SLC9A9: variants seen among roughly 807,000 people sequenced by gnomAD.
SLC9A9 encodes sodium/hydrogen exchanger 9.
In SLC9A9, 62 loss-of-function variants were observed where a neutral mutation model predicts 77.8. That is an observed-to-expected ratio of 0.80 (90% CI 0.65 to 0.98). The LOEUF (loss-of-function observed/expected upper bound fraction) is 0.98, where lower values mean the gene tolerates loss of function less well. Among genes scored for constraint, SLC9A9 ranks in the 50% least tolerant of loss-of-function variants. The pLI is 0.00. For synonymous variants in SLC9A9, 320 were observed against 283.5 expected (o/e 1.13, Z -1.29); for missense variants, 775 against 774.9 (o/e 1.00, Z 0.00).
chr3:143,743,496 G>T (rs1165951468), intron 4 of SLC9A9, among the ~76,000 whole-genome samples: 1 of 152,182 alleles, frequency 6.6e-6, no homozygotes, highest in Non-Finnish European at 1.5e-5. Context: ...GGGCCTAACA[G>T]CCTGGAGTTT....
At chr3:143,726,059 A>G (rs1274739224) in intron 4 of SLC9A9, among the ~76,000 whole-genome samples, 1 of 152,092 alleles carries the variant, frequency 6.6e-6, no homozygotes, top group South Asian at 2.1e-4. Flanking sequence ...TAATTTTTAC[A>G]GTTGTCCTCT....
intron 12 of SLC9A9, among the ~76,000 whole-genome samples, chr3:143,421,112 A>G (rs1317072609): frequency 1.3e-5 from 2 of 152,184 alleles, no homozygotes; most frequent in African/African-American, 4.8e-5. Context: ...CAAGAACTAC[A>G]AAACACTACT....
intron 12 of SLC9A9, among the ~76,000 whole-genome samples, chr3:143,405,439 C>G (rs1173078595): frequency 1.3e-5 from 2 of 152,128 alleles, no homozygotes; most frequent in Non-Finnish European, 2.9e-5. Context: ...TGTGGATACT[C>G]TACCCTCTGA....
At chr3:143,395,784 C>T (rs1345153609) in intron 12 of SLC9A9, among the ~76,000 whole-genome samples, 5 of 152,146 alleles carry the variant, frequency 3.3e-5, no homozygotes, top group Non-Finnish European at 7.4e-5. Flanking sequence ...AAAAAGTGGG[C>T]AAAGGATATG....
At chr3:143,295,187 G>A (rs1219910107) in intron 14 of SLC9A9, among the ~76,000 whole-genome samples, 1 of 152,202 alleles carries the variant, frequency 6.6e-6, no homozygotes, top group Non-Finnish European at 1.5e-5. Context: ...AACTGAGACT[G>A]CACTCTTAAA....
intron 2 of SLC9A9, among the ~76,000 whole-genome samples, chr3:143,806,549 TA>T (rs1200910091): frequency 6.6e-6 from 1 of 152,160 alleles, no homozygotes; most frequent in African/African-American, 2.4e-5. Flanking sequence ...TCAAATGTAT[TA>T]AAATGGAATG....
chr3:143,802,304 T>C (rs1576737454), intron 2 of SLC9A9, among the ~76,000 whole-genome samples: 2 of 152,332 alleles, frequency 1.3e-5, no homozygotes, highest in East Asian at 3.9e-4. Flanking sequence ...TAATTTCCTT[T>C]CCATCATGGA....
chr3:143,466,955 A>G, intron 12 of SLC9A9, 82 bp downstream of exon 12: 1 of 1,530,840 alleles, frequency 6.5e-7, no homozygotes, highest in Admixed American at 1.9e-5. Context: ...CCACTGTACT[A>G]TTGACTAAGT....
chr3:143,333,437 T>C (rs1478577705), intron 14 of SLC9A9, among the ~76,000 whole-genome samples: 1 of 152,256 alleles, frequency 6.6e-6, no homozygotes, highest in Non-Finnish European at 1.5e-5. Context: ...CACTAGGTTC[T>C]TACTTTGTCT....
intron 9 of SLC9A9, among the ~76,000 whole-genome samples, chr3:143,500,006 A>C (rs575667309): frequency 6.6e-6 from 1 of 152,302 alleles, no homozygotes; most frequent in East Asian, 1.9e-4. Flanking sequence ...TTTTGTGTCC[A>C]TATATTTTAT....
intron 15 of SLC9A9, among the ~76,000 whole-genome samples, chr3:143,267,633 G>A (rs1049420739): frequency 6.6e-5 from 10 of 152,076 alleles, no homozygotes; most frequent in Non-Finnish European, 1.2e-4. Flanking sequence ...GATTACAGGC[G>A]TCAGCCACCA....
chr3:143,321,609 GAC>G (rs2031422631), intron 14 of SLC9A9, among the ~76,000 whole-genome samples: 4 of 152,158 alleles, frequency 2.6e-5, no homozygotes. Flanking sequence ...CAGCCTGAGT[GAC>G]AGTTATGTTT....
chr3:143,486,087 C>A (rs1306213982), intron 11 of SLC9A9, among the ~76,000 whole-genome samples: 2 of 151,986 alleles, frequency 1.3e-5, no homozygotes, highest in Non-Finnish European at 2.9e-5. Context: ...GATTTCTCAT[C>A]AGAAACTTTG....
At chr3:143,571,055 G>T (rs1576583581) in intron 8 of SLC9A9, among the ~76,000 whole-genome samples, 1 of 152,102 alleles carries the variant, frequency 6.6e-6, no homozygotes, top group East Asian at 1.9e-4. Context: ...ACCAATAAAA[G>T]GGGTGAAGTA....
At chr3:143,752,670 T>C (rs2006772593) in intron 4 of SLC9A9, among the ~76,000 whole-genome samples, 1 of 150,960 alleles carries the variant, frequency 6.6e-6, no homozygotes, top group Non-Finnish European at 1.5e-5. Flanking sequence ...AGGAGAGCTA[T>C]GTGAAAAGGT....
rs182008600 is a variant in SLC9A9 at position 143,346,685 on chromosome 3, C to T, written c.1604+16799G>A. ...GTGGGCACCTGTAATCCCAGCTACT[C>T]GGGAGGGTGAGGCACAAAAATCATT... On this transcript the variant is annotated intron_variant, in intron 14 of 15. Coordinates refer to ENST00000316549, the MANE Select transcript of SLC9A9 (RefSeq NM_173653.4). Among the ~76,000 whole-genome samples the T allele has an allele frequency of 2.5e-3, 376 of 152,022 alleles. 2 individuals are homozygous for T. Among genetic ancestry groups the T allele is most frequent in the African/African-American group, 8.7e-3 (362 of 41,448 alleles).
intron 12 of SLC9A9, among the ~76,000 whole-genome samples, chr3:143,392,461 G>A (rs1000846924): frequency 4.6e-5 from 7 of 152,130 alleles, no homozygotes; most frequent in African/African-American, 1.4e-4. Context: ...CACTAAACAT[G>A]GAAAGGAACA....
chr3:143,715,040 A>G (rs1375510245), intron 4 of SLC9A9, among the ~76,000 whole-genome samples: 3 of 152,142 alleles, frequency 2.0e-5, no homozygotes, highest in African/African-American at 7.2e-5. Context: ...TCCGTGTAAG[A>G]CGTGACTTGT....
chr3:143,284,404 A>AT (rs36119351), intron 14 of SLC9A9, among the ~76,000 whole-genome samples: 13,073 of 136,736 alleles, frequency 0.096, 651 homozygotes, highest in East Asian at 0.24. Context: ...GGCCCTTTCT[A>AT]TTTTTTTTTT....
Sources: allele counts gnomAD v4.1 joint callset (sites outside exome capture counted in the v4.1 genomes callset), GRCh38; gene constraint gnomAD v4.1.1; transcripts MANE v1.5; gene names NCBI Gene and HGNC (gene_info 2026-07-23, HGNC 2026-07-21).